Variants in RPS6KA6 observed in about 807,000 individuals in gnomAD.
RPS6KA6 encodes the protein ribosomal protein S6 kinase alpha-6.
RPS6KA6 carries 27 observed loss-of-function variants against 65.4 expected under a neutral mutation model. The observed-to-expected ratio is 0.41, with a 90% CI of 0.30 to 0.57. The LOEUF (loss-of-function observed/expected upper bound fraction) is 0.57. Ranked by LOEUF, RPS6KA6 falls within the 20% of genes least tolerant of loss-of-function variation. The probability of loss-of-function intolerance (pLI) is 0.24; values close to 1 mark genes in which losing one functional copy is unlikely to be tolerated. For synonymous variants in RPS6KA6, 190 were observed against 184.2 expected (o/e 1.03, Z -0.26); for missense variants, 486 against 555.6 (o/e 0.87, Z 1.26).
rs186852842 is a variant in RPS6KA6, at chrX:84,175,252, G to A, written c.82-10865C>T. Among the ~76,000 whole-genome samples, 415 of 111,252 alleles carry A rather than the reference G, an allele frequency of 3.7e-3. 1 individual carries two copies. The highest frequency in any genetic ancestry group is 7.1e-3 in the Non-Finnish European group (374 of 52,969). On this transcript the variant is annotated intron_variant, in intron 1 of 21. Transcript: ENST00000262752. ...TGGGAGATTGGTTCCAGGACCTCTC[G>A]TGGATGCCAAAATCCACAGATGCTC...
At chrX:84,163,512 G>A (rs1483614181) in intron 2 of RPS6KA6, among the ~76,000 whole-genome samples, 2 of 105,610 alleles carry the variant, frequency 1.9e-5, no homozygotes, top group East Asian at 3.0e-4. Context: ...GGTGGCGGGC[G>A]CCTGTAGTCC....
At chrX:84,155,198 T>A (rs1253631458) in intron 3 of RPS6KA6, among the ~76,000 whole-genome samples, 1 of 110,987 alleles carries the variant, frequency 9.0e-6, no homozygotes, top group Non-Finnish European at 1.9e-5. Flanking sequence ...CAAGACCCCA[T>A]TTCTAAAACC....
In RPS6KA6 at chrX:84,177,508, A is replaced by G. The variant is rs1484081170; in HGVS notation, c.81+10311T>C. On this transcript the variant is annotated intron_variant, in intron 1 of 21. Coordinates refer to ENST00000262752, the MANE Select transcript of RPS6KA6 (RefSeq NM_014496.5). ...TCGGGCATTCTAGCTCTAGGGAACC[A>G]GCTATTATCCTCTATGGTATTCTGA... Among the ~76,000 whole-genome samples, 3 of 111,939 alleles carry G rather than the reference A, an allele frequency of 2.7e-5. No individual in the cohort carries two copies. The Admixed American group carries it at 2.9e-4, about 11-fold the overall frequency.
At chrX:84,121,553 A>G (rs2147477201) in intron 8 of RPS6KA6, among the ~76,000 whole-genome samples, 1 of 112,124 alleles carries the variant, frequency 8.9e-6, no homozygotes, top group East Asian at 2.8e-4. Context: ...TGGTTTATAT[A>G]CTATGGATTT....
At chrX:84,131,067 G>A (rs1221494277) in intron 8 of RPS6KA6, among the ~76,000 whole-genome samples, 1 of 112,011 alleles carries the variant, frequency 8.9e-6, no homozygotes, top group African/African-American at 3.2e-5. Context: ...TGTTTATCCA[G>A]TGTTTCCCAT....
chrX:84,103,974 CT>C (rs1012136707), intron 17 of RPS6KA6, among the ~76,000 whole-genome samples: 6 of 110,260 alleles, frequency 5.4e-5, no homozygotes, highest in Non-Finnish European at 9.5e-5. Context: ...TAAAAGTTCC[CT>C]TTTTTTGTAA....
rs1005891196 is a variant in RPS6KA6, at chrX:84,061,292, T to C, written c.*2985A>G. ...TTCTCTGGGCAGTACTATTTTAACA[T>C]GTTGTTCCAATGGGCAGACATTATA... is the stretch of plus-strand genomic sequence containing the variant. On this transcript the variant is annotated 3_prime_UTR_variant, in exon 22 of 22. Transcript: ENST00000262752. 8.9e-6 allele frequency: 1 copy of C among 112,242 alleles called. No individual in the cohort carries two copies. The highest frequency in any genetic ancestry group is 1.9e-5 in the Non-Finnish European group (1 of 53,176). The allele number at this position is 112,242 out of a possible 1,213,427, so 9.3% of individuals were successfully genotyped here. A position where few individuals can be genotyped will look rare whatever the true frequency, so the allele number is the denominator to read the frequency against.
intron 12 of RPS6KA6, 45 bp downstream of exon 12, chrX:84,116,184 T>C: frequency 1.4e-6 from 1 of 730,352 alleles, no homozygotes; most frequent in South Asian, 2.5e-5. Flanking sequence ...TATCCTGTGT[T>C]GGTCATATGA....
At chrX:84,118,238 G>C (rs961411750) in intron 9 of RPS6KA6, among the ~76,000 whole-genome samples, 2 of 111,384 alleles carry the variant, frequency 1.8e-5, no homozygotes, top group African/African-American at 6.5e-5. Context: ...ATACATTCAA[G>C]TCTCTTCTGT....
intron 21 of RPS6KA6, 33 bp downstream of exon 21, chrX:84,064,938 T>A: frequency 8.7e-7 from 1 of 1,153,098 alleles, no homozygotes; most frequent in South Asian, 1.9e-5. Flanking sequence ...GTATCTGATA[T>A]CTCGAAGGCA....
rs1326998250 is a variant in RPS6KA6, at chrX:84,063,032, T to A, written c.*1245A>T. 2.7e-5 allele frequency: 3 copies of A among 110,785 alleles called. No individual in the cohort carries two copies. The highest frequency in any genetic ancestry group is 5.7e-5 in the Non-Finnish European group (3 of 52,881). The allele number at this position is 110,785 out of a possible 1,213,427, so 9.1% of individuals were successfully genotyped here. ...AAATGATTCTTTAGCATTTCATCATTTAGAGAAAAGAATACATACTACACA... is the reference window on the plus strand; with the variant it reads ...AAATGATTCTTTAGCATTTCATCATATAGAGAAAAGAATACATACTACACA... On this transcript the variant is annotated 3_prime_UTR_variant, in exon 22 of 22. Transcript: ENST00000262752.
At chrX:84,107,536 T>A (rs1434485314) in intron 13 of RPS6KA6, 87 bp downstream of exon 13, 1 of 530,593 alleles carries the variant, frequency 1.9e-6, no homozygotes, top group Non-Finnish European at 3.0e-6. Context: ...AATTTACCAT[T>A]CTTTTAGTTT....
In RPS6KA6 at chrX:84,064,363, T is replaced by C. The variant is rs764308184; in HGVS notation, c.2152A>G (p.Thr718Ala). Residue 718 changes from threonine (T) to alanine (A), a missense_variant, in exon 22 of 22, where the codon ACC becomes GCC. Thr to Ala is a moderately conservative substitution (Grantham distance 58). Around this residue, in one of 3 missense-constraint regions of RPS6KA6, gnomAD observed 345 missense variants for 375.0 expected, o/e 0.92. Transcript: ENST00000262752. The part of the protein sequence containing the change: ...VATYSALTHK[T>A]FQPVLEPVAA... ...ACAGGCTCTAGGACTGGTTGAAAGG[T>C]CTTGTGAGTCAGGGCAGAGTATGTT... 8 of 1,204,861 alleles carry C rather than the reference T, an allele frequency of 6.6e-6. No individual in the cohort carries two copies. The Admixed American group carries it at 1.5e-4, about 23-fold the overall frequency.
intron 6 of RPS6KA6, among the ~76,000 whole-genome samples, chrX:84,139,582 C>G (rs1210536901): frequency 8.9e-6 from 1 of 111,846 alleles, no homozygotes; most frequent in Non-Finnish European, 1.9e-5. Flanking sequence ...GTTCCTTTAT[C>G]ACAGCAAGTT....
At chrX:84,129,719 T>C (rs1602438189) in intron 8 of RPS6KA6, among the ~76,000 whole-genome samples, 1 of 111,459 alleles carries the variant, frequency 9.0e-6, no homozygotes, top group Non-Finnish European at 1.9e-5. Flanking sequence ...TGGAGGTCAC[T>C]GTGTTAACTG....
intron 20 of RPS6KA6, among the ~76,000 whole-genome samples, chrX:84,080,249 C>T (rs1042304144): frequency 6.0e-5 from 6 of 100,713 alleles, no homozygotes; most frequent in African/African-American, 1.8e-4. Context: ...GAGTGGACCT[C>T]CAGCAAACTC....
At chrX:84,156,034 G>T (rs1195544462) in intron 3 of RPS6KA6, 41 bp downstream of exon 3, 3 of 778,868 alleles carry the variant, frequency 3.9e-6, no homozygotes, top group Admixed American at 4.8e-5. Context: ...TTTGCTAAAT[G>T]TTTAGAAGAG....
In RPS6KA6 at chrX:84,119,963, T is replaced by C. The variant is rs2034637924; in HGVS notation, c.711A>G (p.Val237=). 4 of 1,194,244 alleles carry C rather than the reference T, an allele frequency of 3.3e-6. No homozygotes were observed. The East Asian group carries it at 1.2e-4, about 36-fold the overall frequency. ...TTACTACTTCAGGAGCCATATACTC[T>C]ACTGTACCACAAAATGAGTAAGCCT... ...EKKAYSFCGT[V]EYMAPEVVNR... Residue 237 remains valine (V), a synonymous_variant, in exon 9 of 22, where the codon GTA becomes GTG. Coordinates refer to ENST00000262752, the MANE Select transcript of RPS6KA6 (RefSeq NM_014496.5).
rs1213866029 is a variant in RPS6KA6 at position 84,063,800 on chromosome X, T to C, written c.*477A>G. ...TCAAATGAATGGAGTCCTTTGGTTT[T>C]ACGGAATAACAAGCTTTTATAATAA... On this transcript the variant is annotated 3_prime_UTR_variant, in exon 22 of 22. Transcript: ENST00000262752. 1 of 112,115 alleles carries C rather than the reference T, an allele frequency of 8.9e-6. No homozygotes were observed. Among genetic ancestry groups the C allele is most frequent in the African/African-American group, 3.2e-5 (1 of 30,861 alleles). 9.2% of individuals were successfully genotyped at this position (112,115 alleles called of 1,213,427 possible). A position where few individuals can be genotyped will look rare whatever the true frequency, so the allele number is the denominator to read the frequency against.
Sources: allele counts gnomAD v4.1 joint callset (sites outside exome capture counted in the v4.1 genomes callset), GRCh38; gene constraint gnomAD v4.1.1; regional missense constraint gnomAD v4.1.1; transcripts MANE v1.5; gene names NCBI Gene and HGNC (gene_info 2026-07-23, HGNC 2026-07-21).